FKBP1B: variants seen among roughly 807,000 people sequenced by gnomAD.
FKBP1B encodes the protein FKBP prolyl isomerase 1B, also known as peptidyl-prolyl cis-trans isomerase FKBP1B.
FKBP1B carries 4 observed loss-of-function variants against 13.5 expected under a neutral mutation model. The observed-to-expected ratio is 0.30, with a 90% CI of 0.15 to 0.68. FKBP1B has a LOEUF of 0.68. Among genes scored for constraint, FKBP1B ranks in the 30% least tolerant of loss-of-function variants. The pLI is 0.76. For missense variants in FKBP1B, 93 were observed against 136.2 expected (o/e 0.68, Z 1.58); for synonymous variants, 54 against 53.6 (o/e 1.01, Z -0.03).
upstream of FKBP1B, chr2:24,049,532 T>C (rs1440243147): frequency 1.7e-5 from 5 of 300,082 alleles, no homozygotes; most frequent in Non-Finnish European, 3.1e-5. Flanking sequence ...AATGGATGGA[T>C]GGAGGATGTG....
chr2:24,060,450 G>T (rs976813547), intron 2 of FKBP1B, among the ~76,000 whole-genome samples: 2 of 152,192 alleles, frequency 1.3e-5, no homozygotes, highest in African/African-American at 4.8e-5. Flanking sequence ...TACCTGGGAG[G>T]CTGAGGCAGA....
the FKBP1B span, among the ~76,000 whole-genome samples, chr2:24,036,953 T>C: frequency 2.0e-5 from 3 of 152,230 alleles, no homozygotes; most frequent in East Asian, 5.8e-4. Flanking sequence ...AAAACATGTA[T>C]AATATGATCC....
rs1376867237 is a variant in FKBP1B at position 24,050,671 on chromosome 2, T to G, written c.37+785T>G. Among the ~76,000 whole-genome samples the G allele has an allele frequency of 6.6e-6, 1 of 152,244 alleles. No homozygotes were observed. The highest frequency in any genetic ancestry group is 2.4e-5 in the African/African-American group (1 of 41,470). On this transcript the variant is annotated intron_variant, in intron 1 of 3. Coordinates refer to ENST00000380986, the MANE Select transcript of FKBP1B (RefSeq NM_004116.5). This position sits in a 1 kb window ranked among gnomAD's most constrained non-coding sequence, Gnocchi z 5.8. ...GTCCTTGTATTACTGGGTCTGGGTGTGCAAGGAATAGCCATTTCTTTATTT... is the reference window on the plus strand; with the variant it reads ...GTCCTTGTATTACTGGGTCTGGGTGGGCAAGGAATAGCCATTTCTTTATTT...
intron 2 of FKBP1B, 44 bp downstream of exon 2, chr2:24,053,993 A>G: frequency 6.4e-7 from 1 of 1,574,636 alleles, no homozygotes; most frequent in Non-Finnish European, 8.7e-7. Context: ...TTCCCCTCCC[A>G]AGGCAGGGCT....
upstream of FKBP1B, among the ~76,000 whole-genome samples, chr2:24,047,901 G>C (rs1304607317): frequency 6.6e-6 from 1 of 152,170 alleles, no homozygotes; most frequent in African/African-American, 2.4e-5. Flanking sequence ...CGTCCCTTAG[G>C]CTTCTTCAGA....
chr2:24,049,714 G>T (rs963246376), upstream of FKBP1B: 66 of 636,818 alleles, frequency 1.0e-4, no homozygotes, highest in Non-Finnish European at 1.4e-4. Flanking sequence ...CGCAGGTCCC[G>T]ACTCCAGCCG....
In FKBP1B at chr2:24,063,516, C is replaced by T; in HGVS notation, c.*324C>T. The T allele has an allele frequency of 3.3e-6, 1 of 305,256 alleles. No homozygotes were observed. Among genetic ancestry groups the T allele is most frequent in the Middle Eastern group, 8.7e-4 (1 of 1,144 alleles). 18.9% of individuals were successfully genotyped at this position (305,256 alleles called of 1,614,324 possible). On this transcript the variant is annotated 3_prime_UTR_variant, in exon 4 of 4. Coordinates refer to ENST00000380986, the MANE Select transcript of FKBP1B (RefSeq NM_004116.5). The stretch of plus-strand genomic sequence containing the variant: ...CACTGCCTTACCTTCACTTAAACCA[C>T]ACACACAAGGTGCTCAGACATGAAA...
intron 1 of FKBP1B, among the ~76,000 whole-genome samples, chr2:24,051,333 C>CA (rs568507946): frequency 0.3 from 42,285 of 140,742 alleles, 6,624 homozygotes; most frequent in African/African-American, 0.43. Flanking sequence ...GACTCTATCT[C>CA]AAAAAAAAAA....
At chr2:24,042,535 CAAAAAAA>C in the FKBP1B span, among the ~76,000 whole-genome samples, 5 of 61,582 alleles carry the variant, frequency 8.1e-5, no homozygotes, top group Non-Finnish European at 1.5e-4. Context: ...TACTCCGTCT[CAAAAAAA>C]AAAAAAAAAA....
At chr2:24,054,778 G>A (rs748207636) in intron 2 of FKBP1B, among the ~76,000 whole-genome samples, 33 of 152,202 alleles carry the variant, frequency 2.2e-4, no homozygotes, top group Non-Finnish European at 4.4e-4. Context: ...TCCTGGTGAT[G>A]TGGCCTAATT....
intron 2 of FKBP1B, chr2:24,054,575 T>C (rs1350953824): frequency 5.9e-6 from 1 of 169,708 alleles, no homozygotes; most frequent in Non-Finnish European, 1.5e-5. Flanking sequence ...CTTCCTAAAG[T>C]GGCAAACTCG....
At chr2:24,040,134 A>T in the FKBP1B span, among the ~76,000 whole-genome samples, 1 of 152,052 alleles carries the variant, frequency 6.6e-6, no homozygotes, top group African/African-American at 2.4e-5. Flanking sequence ...TGAACATGGT[A>T]TTGTGGTTAT....
chr2:24,042,571 T>C, the FKBP1B span, among the ~76,000 whole-genome samples: 1 of 142,992 alleles, frequency 7.0e-6, no homozygotes, highest in Non-Finnish European at 1.5e-5. Context: ...TAGCTGGCTG[T>C]GGTGGCGCAT....
the FKBP1B span, among the ~76,000 whole-genome samples, chr2:24,036,758 T>C: frequency 1.3e-5 from 2 of 152,222 alleles, no homozygotes; most frequent in South Asian, 2.1e-4. Context: ...TATCACCCTA[T>C]TTTTGTAAAA....
At chr2:24,035,217 G>C in the FKBP1B span, among the ~76,000 whole-genome samples, 1 of 151,668 alleles carries the variant, frequency 6.6e-6, no homozygotes, top group South Asian at 2.1e-4. Flanking sequence ...CTATGCAGCT[G>C]TGGAAAAAAA....
At chr2:24,036,799 T>C in the FKBP1B span, among the ~76,000 whole-genome samples, 1 of 152,210 alleles carries the variant, frequency 6.6e-6, no homozygotes, top group Non-Finnish European at 1.5e-5. Context: ...CATACCTATA[T>C]ATCTATGTAC....
chr2:24,044,056 T>A, the FKBP1B span, among the ~76,000 whole-genome samples: 1 of 152,192 alleles, frequency 6.6e-6, no homozygotes, highest in African/African-American at 2.4e-5. Flanking sequence ...TAATATCTAC[T>A]TATGTACTTT....
At chr2:24,037,104 T>C in the FKBP1B span, among the ~76,000 whole-genome samples, 1 of 152,246 alleles carries the variant, frequency 6.6e-6, no homozygotes, top group African/African-American at 2.4e-5. Flanking sequence ...CTCGGCTCAC[T>C]GAAACCTGTG....
Position 24,050,933 on chromosome 2 carries a change from C to A in FKBP1B, c.37+1047C>A, listed in dbSNP as rs1005205086. ...GGTCCCAGAAAGCATCTCCCTGAGG[C>A]CTTTTCATCCCTCAGCAGCCCCTGA... is the stretch of plus-strand genomic sequence containing the variant. On this transcript the variant is annotated intron_variant, in intron 1 of 3. Coordinates refer to ENST00000380986, the MANE Select transcript of FKBP1B (RefSeq NM_004116.5). This position sits in a 1 kb window ranked among gnomAD's most constrained non-coding sequence, Gnocchi z 5.8. 1.6e-4 allele frequency among the ~76,000 whole-genome samples: 24 copies of A among 152,220 alleles called. No homozygotes were observed. The highest frequency in any genetic ancestry group is 1.0e-4 in the Non-Finnish European group (7 of 68,048).
Sources: gnomAD v4.1 joint callset for allele counts (sites outside exome capture counted in the v4.1 genomes callset) on GRCh38, gnomAD v4.1.1 for gene constraint, Gnocchi (gnomAD v3.1) non-coding constraint, MANE v1.5 for transcripts, NCBI Gene and HGNC (gene_info 2026-07-23, HGNC 2026-07-21) for gene names.